Variants in ATRN observed in about 807,000 individuals in gnomAD.
ATRN encodes the protein attractin, also known as attractin-2.
Under a neutral mutation model 178.7 loss-of-function variants are expected in ATRN, and 54 were observed. The observed-to-expected ratio is 0.30, with a 90% CI of 0.24 to 0.38. The LOEUF (loss-of-function observed/expected upper bound fraction) is 0.38. Ranked by LOEUF, ATRN falls within the 10% of genes least tolerant of loss-of-function variation. The pLI is 1.00. For synonymous variants in ATRN, 636 were observed against 663.0 expected (o/e 0.96, Z 0.63); for missense variants, 1,443 against 1,815.1 (o/e 0.79, Z 3.73).
chr20:3,578,600 G>A lies in ATRN; in HGVS notation c.2372G>A (p.Gly791Asp). The A allele has an allele frequency of 1.2e-6, 2 of 1,603,838 alleles. No individual in the cohort carries two copies. The highest frequency in any genetic ancestry group is 1.7e-6 in the Non-Finnish European group (2 of 1,174,314). The part of the protein sequence containing the change: ...IALPENICGI[G>D]WHLVGNSCLK... ...ATGAAAGAAAATATCTGTGGCATTG[G>A]CTGGCATTTGGTTGGAAACTCATGT... Residue 791 changes from glycine to aspartate, a missense_variant, in exon 15 of 29, where the codon GGC becomes GAC. By Grantham distance (94) the Gly-to-Asp change is moderately conservative. Transcript: ENST00000262919.
chr20:3,493,559 T>G (rs926818366), intron 1 of ATRN, among the ~76,000 whole-genome samples: 47 of 152,176 alleles, frequency 3.1e-4, no homozygotes, highest in Admixed American at 1.3e-4. Context: ...CCTCCCAAAG[T>G]GCTGGGATTA....
intron 27 of ATRN, among the ~76,000 whole-genome samples, chr20:3,643,016 A>G (rs796546204): frequency 2.0e-5 from 3 of 152,294 alleles, no homozygotes; most frequent in African/African-American, 7.2e-5. Context: ...ACTGGAGTGC[A>G]GTGGCATGAT....
Position 3,596,376 on chromosome 20 carries a change from G to A in ATRN, c.3417-1G>A. ...ATAAAATAGTCTTTTTTCCCCCCCA[G>A]ATGTGAGGTAGAAAATCGATACCAA... On this transcript the variant is annotated splice_acceptor_variant, in intron 20 of 28. Transcript: ENST00000262919. LOFTEE classifies it high-confidence loss of function. 1 of 1,612,770 alleles carries A rather than the reference G, an allele frequency of 6.2e-7. No homozygotes were observed. Among genetic ancestry groups the A allele is most frequent in the Non-Finnish European group, 8.5e-7 (1 of 1,179,050 alleles).
intron 28 of ATRN, 131 bp downstream of exon 28, chr20:3,644,399 G>T: frequency 1.3e-6 from 1 of 757,240 alleles, no homozygotes; most frequent in Non-Finnish European, 2.1e-6. Flanking sequence ...CCATGGCAAG[G>T]ATTCAGTGAG....
chr20:3,584,274 A>G (rs2086324193), intron 17 of ATRN, among the ~76,000 whole-genome samples, 191 bp downstream of exon 17: 1 of 152,214 alleles, frequency 6.6e-6, no homozygotes, highest in East Asian at 1.9e-4. Context: ...AATCAGGCAC[A>G]TTGACAGTAA....
rs2084778077 is a variant in ATRN, at chr20:3,490,629, G to T, written c.410+19112G>T. The stretch of plus-strand genomic sequence containing the variant: ...AACGACCATATCCCTCTTCATCTGT[G>T]AACTCCACCAAGTTTTGTGCCTCTT... On this transcript the variant is annotated intron_variant, in intron 1 of 28. Coordinates refer to ENST00000262919, the MANE Select transcript of ATRN (RefSeq NM_139321.3). The T allele has an allele frequency of 8.3e-6, 8 of 964,416 alleles. No homozygotes were observed. The South Asian group carries it at 1.0e-4, about 12-fold the overall frequency. 59.7% of individuals were successfully genotyped at this position (964,416 alleles called of 1,614,324 possible). A position where few individuals can be genotyped will look rare whatever the true frequency, so the allele number is the denominator to read the frequency against.
Position 3,545,765 on chromosome 20 carries a change from C to A in ATRN, c.612C>A (p.Gly204=). ...AAGAAGTGTGTTTTCATTTCAGTGG[C>A]CTCATTGTTCCTGAGAGAGATGGCA... ...IYAPLVAAFS[G]LIVPERDGNE... is the part of the protein sequence containing the mutation. Residue 204 remains glycine, a synonymous_variant, in exon 4 of 29, where the codon GGC becomes GGA. Transcript: ENST00000262919. The A allele has an allele frequency of 6.2e-7, 1 of 1,613,680 alleles. No homozygotes were observed. The highest frequency in any genetic ancestry group is 8.5e-7 in the Non-Finnish European group (1 of 1,179,760).
rs567028114 is a variant in ATRN at position 3,541,523 on chromosome 20, T to C, written c.608+1188T>C. ...TATAGCCTACTGTACACCCTGCTTATATGGTACAGCCTATTGTACCTAGGC... is the reference window on the plus strand; with the variant it reads ...TATAGCCTACTGTACACCCTGCTTACATGGTACAGCCTATTGTACCTAGGC... On this transcript the variant is annotated intron_variant, in intron 3 of 28. Transcript: ENST00000262919. Among the ~76,000 whole-genome samples the C allele has an allele frequency of 2.6e-5, 4 of 152,368 alleles. No individual in the cohort carries two copies. In the South Asian group the frequency reaches 8.3e-4, roughly 32 times the overall value.
At chr20:3,540,462 T>C in intron 3 of ATRN, 127 bp downstream of exon 3, 1 of 631,480 alleles carries the variant, frequency 1.6e-6, no homozygotes, top group Non-Finnish European at 2.7e-6. Flanking sequence ...GAAAGAATAC[T>C]AGTTCTTCAG....
At chr20:3,626,306 G>A (rs373368369) in intron 25 of ATRN, among the ~76,000 whole-genome samples, 10 of 151,554 alleles carry the variant, frequency 6.6e-5, no homozygotes, top group Middle Eastern at 3.5e-3. Context: ...TTTAGAAGAC[G>A]TTATACTATT....
intron 4 of ATRN, among the ~76,000 whole-genome samples, chr20:3,546,634 G>T (rs199654080): frequency 1.3e-5 from 2 of 151,952 alleles, no homozygotes; most frequent in East Asian, 3.9e-4. Context: ...CTCGTGATTC[G>T]CCAACCTCGG....
chr20:3,585,220 AAG>A (rs1207848487), intron 18 of ATRN, among the ~76,000 whole-genome samples: 2 of 152,200 alleles, frequency 1.3e-5, no homozygotes, highest in Admixed American at 6.5e-5. Context: ...GAACTTCTCT[AAG>A]AGCCTGCCAT....
chr20:3,526,859 G>A (rs2085372247), intron 1 of ATRN, among the ~76,000 whole-genome samples: 1 of 152,124 alleles, frequency 6.6e-6, no homozygotes. Context: ...AATGGTGTCG[G>A]GAAAACTGGC....
chr20:3,576,015 T>C (rs2086205089), intron 13 of ATRN, 67 bp downstream of exon 13: 2 of 1,514,456 alleles, frequency 1.3e-6, no homozygotes. Context: ...TTTTATAGTG[T>C]ATATGGTATA....
intron 1 of ATRN, among the ~76,000 whole-genome samples, chr20:3,523,862 A>G (rs2085328294): frequency 6.6e-6 from 1 of 152,220 alleles, no homozygotes; most frequent in Non-Finnish European, 1.5e-5. Context: ...CAGACAAGCA[A>G]TTGCTGAGAT....
intron 6 of ATRN, among the ~76,000 whole-genome samples, chr20:3,554,305 TTTTATTTATTTA>T (rs10626066): frequency 9.0e-4 from 125 of 139,234 alleles, no homozygotes; most frequent in African/African-American, 2.4e-3. Flanking sequence ...GATTACAGAT[TTTTATTTATTTA>T]TTTATTTATT....
intron 24 of ATRN, among the ~76,000 whole-genome samples, chr20:3,605,649 G>A (rs1555823961): frequency 6.6e-6 from 1 of 152,172 alleles, no homozygotes; most frequent in Non-Finnish European, 1.5e-5. Flanking sequence ...GCAAACTAAT[G>A]CAGGAACGGA....
At chr20:3,532,014 C>T (rs1365990273) in intron 1 of ATRN, among the ~76,000 whole-genome samples, 1 of 152,164 alleles carries the variant, frequency 6.6e-6, no homozygotes, top group Non-Finnish European at 1.5e-5. Flanking sequence ...CCTGTAGTCT[C>T]AGCTACTCCA....
intron 1 of ATRN, among the ~76,000 whole-genome samples, chr20:3,510,914 T>C (rs146249725): frequency 2.0e-5 from 3 of 152,284 alleles, no homozygotes; most frequent in Admixed American, 6.5e-5. Context: ...TAATACTCTC[T>C]CAGTAGTTCG....
Sources: allele counts gnomAD v4.1 joint callset (sites outside exome capture counted in the v4.1 genomes callset), GRCh38; gene constraint gnomAD v4.1.1; transcripts MANE v1.5; gene names NCBI Gene and HGNC (gene_info 2026-07-23, HGNC 2026-07-21).